The following ABCC9 variants were observed in gnomAD, a reference collection of about 807,000 sequenced individuals.
ABCC9 encodes the protein ATP-binding cassette sub-family C member 9.
In ABCC9, 95 loss-of-function variants were observed where a neutral mutation model predicts 188.3. The observed-to-expected ratio is 0.50, with a 90% confidence interval of 0.43 to 0.60. The LOEUF is 0.60. Ranked by LOEUF, ABCC9 falls within the 20% of genes least tolerant of loss-of-function variation. The probability of loss-of-function intolerance (pLI) is 0.00; values close to 1 mark genes in which losing one functional copy is unlikely to be tolerated. For missense variants in ABCC9, 1,102 were observed against 1,876.3 expected (o/e 0.59, Z 7.62); for synonymous variants, 659 against 652.7 (o/e 1.01, Z -0.15).
At chr12:21,807,264 C>G in intron 38 of ABCC9, 82 bp downstream of exon 38, 1 of 1,586,630 alleles carries the variant, frequency 6.3e-7, no homozygotes, top group Non-Finnish European at 8.6e-7. Context: ...GGATTCAGAA[C>G]CCAATCAGGA....
chr12:21,802,656 G>C (rs1415980775), intron 39 of ABCC9, among the ~76,000 whole-genome samples: 7 of 152,090 alleles, frequency 4.6e-5, no homozygotes. Context: ...ATGTGGCCAG[G>C]GGCTACCATA....
chr12:21,867,318 C>G (rs1387426647), intron 18 of ABCC9, among the ~76,000 whole-genome samples: 1 of 152,128 alleles, frequency 6.6e-6, no homozygotes, highest in Non-Finnish European at 1.5e-5. Context: ...TGTCTAGACT[C>G]ATCCTCCACC....
chr12:21,882,969 A>G (rs1218145977), intron 15 of ABCC9, 96 bp from the exon 16 acceptor site: 10 of 906,368 alleles, frequency 1.1e-5, no homozygotes, highest in Middle Eastern at 2.2e-4. Context: ...AGTTCCAAGA[A>G]AAAGAAGTGG....
intron 28 of ABCC9, among the ~76,000 whole-genome samples, 178 bp from the exon 29 acceptor site, chr12:21,842,649 TTATC>T (rs1944454082): frequency 6.6e-6 from 1 of 152,236 alleles, no homozygotes; most frequent in Non-Finnish European, 1.5e-5. Flanking sequence ...GTCTGTCTAT[TTATC>T]TATCAACATG....
At chr12:21,838,023 T>C in intron 30 of ABCC9, 55 bp downstream of exon 30, 1 of 1,343,916 alleles carries the variant, frequency 7.4e-7, no homozygotes, top group Non-Finnish European at 1.1e-6. Context: ...TGTAGAAAAA[T>C]ATTTGTTGAT....
intron 31 of ABCC9, among the ~76,000 whole-genome samples, chr12:21,822,408 C>A (rs922568529): frequency 2.0e-5 from 3 of 151,608 alleles, no homozygotes; most frequent in African/African-American, 7.3e-5. Flanking sequence ...CCTTTGTGTA[C>A]TACACTTTTC....
chr12:21,873,976 C>T (rs188212162), intron 17 of ABCC9, among the ~76,000 whole-genome samples: 1 of 152,122 alleles, frequency 6.6e-6, no homozygotes, highest in Admixed American at 6.5e-5. Flanking sequence ...CACACCAAAG[C>T]ACAGGCAATA....
At chr12:21,888,096 T>A in intron 14 of ABCC9, 162 bp from the exon 15 acceptor site, 1 of 661,576 alleles carries the variant, frequency 1.5e-6, no homozygotes, top group South Asian at 1.7e-5. Flanking sequence ...CGACCAAACA[T>A]CCTAAATTGC....
intron 18 of ABCC9, among the ~76,000 whole-genome samples, chr12:21,866,354 TAGAGGGAACAAGACTGGAGATCATAAA>T (rs542773348): frequency 6.6e-4 from 101 of 152,254 alleles, no homozygotes; most frequent in African/African-American, 2.4e-3. Context: ...ACAACTGAAC[TAGAGGGAACAAGACTGGAGATCATAAA>T]AGAAATCCTT....
At position 21,831,362 on chromosome 12, in the gene ABCC9, C is replaced by T. The variant is rs74914122; in HGVS notation, c.3567-2302G>A. On this transcript the variant is annotated intron_variant, in intron 30 of 39. Transcript: ENST00000261200. ...TTTGGTAGATTTTCATCCATTCATT[C>T]GGGAGCATTTAGCAATCATCCACTC... Among the ~76,000 whole-genome samples, 2,726 of 152,036 alleles carry T rather than the reference C, an allele frequency of 0.018. 173 individuals are homozygous for T. In the East Asian group the frequency reaches 0.18, roughly 10 times the overall value.
intron 24 of ABCC9, among the ~76,000 whole-genome samples, chr12:21,849,328 C>G (rs1944846134): frequency 6.6e-6 from 1 of 152,062 alleles, no homozygotes; most frequent in South Asian, 2.1e-4. Context: ...GAGGGTTGTA[C>G]TACTTCAGAT....
chr12:21,912,740 T>G lies in ABCC9; in HGVS notation c.1011+132A>C, dbSNP rs188710154. 93 of 866,132 alleles carry G rather than the reference T, an allele frequency of 1.1e-4. No individual in the cohort carries two copies. In the East Asian group the frequency reaches 2.3e-3, roughly 21 times the overall value. 53.7% of individuals were successfully genotyped at this position (866,132 alleles called of 1,614,324 possible). ...CTAAAAGGAAAATTACTGTTTTCTT[T>G]CTTTTAGAAAGCATTCAATTCTCTG... On this transcript the variant is annotated intron_variant, in intron 8 of 39. Coordinates refer to ENST00000261200, the MANE Select transcript of ABCC9 (RefSeq NM_020297.4).
intron 14 of ABCC9, among the ~76,000 whole-genome samples, chr12:21,888,345 A>G (rs1021225265): frequency 1.3e-5 from 2 of 152,142 alleles, no homozygotes; most frequent in African/African-American, 2.4e-5. Context: ...TGGGGAGGTG[A>G]CGTACAGAGA....
intron 4 of ABCC9, among the ~76,000 whole-genome samples, chr12:21,931,036 A>G (rs1207006869): frequency 6.6e-6 from 1 of 152,222 alleles, no homozygotes; most frequent in East Asian, 1.9e-4. Context: ...TGCTAAAAAT[A>G]TAGAAGCACA....
At chr12:21,879,180 G>A (rs1291990916) in intron 16 of ABCC9, among the ~76,000 whole-genome samples, 1 of 152,134 alleles carries the variant, frequency 6.6e-6, no homozygotes, top group African/African-American at 2.4e-5. Flanking sequence ...TAGACACTTA[G>A]GACAACACTA....
chr12:21,905,097 C>T (rs1238269489), intron 12 of ABCC9, among the ~76,000 whole-genome samples: 1 of 152,064 alleles, frequency 6.6e-6, no homozygotes, highest in Non-Finnish European at 1.5e-5. Context: ...ACTATGCAGC[C>T]ATAAAAAAGG....
intron 16 of ABCC9, among the ~76,000 whole-genome samples, chr12:21,880,207 A>G (rs1302818951): frequency 6.6e-6 from 1 of 152,058 alleles, no homozygotes; most frequent in Non-Finnish European, 1.5e-5. Context: ...TACCTACTAA[A>G]TCACATCCCT....
intron 5 of ABCC9, among the ~76,000 whole-genome samples, chr12:21,918,422 T>C (rs1436859729): frequency 1.3e-5 from 2 of 152,136 alleles, no homozygotes; most frequent in Non-Finnish European, 2.9e-5. Context: ...ATGGTACTGG[T>C]ATAGATTATA....
At chr12:21,869,293 G>A (rs946257276) in intron 18 of ABCC9, among the ~76,000 whole-genome samples, 3 of 152,120 alleles carry the variant, frequency 2.0e-5, no homozygotes, top group Non-Finnish European at 4.4e-5. Context: ...AGTATATGCT[G>A]AATCTATTCA....
Sources: allele counts gnomAD v4.1 joint callset (sites outside exome capture counted in the v4.1 genomes callset), GRCh38; gene constraint gnomAD v4.1.1; transcripts MANE v1.5; gene names NCBI Gene and HGNC (gene_info 2026-07-23, HGNC 2026-07-21).